Variants in GRID1 observed in about 807,000 individuals in gnomAD.
GRID1 encodes glutamate ionotropic receptor delta type subunit 1.
Under a neutral mutation model 98.0 loss-of-function variants are expected in GRID1, and 28 were observed. That is an observed-to-expected ratio of 0.29 (90% CI 0.21 to 0.39). The LOEUF (loss-of-function observed/expected upper bound fraction) is 0.39, where lower values mean the gene tolerates loss of function less well. Ranked by LOEUF, GRID1 falls within the 10% of genes least tolerant of loss-of-function variation. GRID1 has a pLI of 1.00. For synonymous variants in GRID1, 553 were observed against 538.5 expected (o/e 1.03, Z -0.37); for missense variants, 1,111 against 1,340.5 (o/e 0.83, Z 2.67).
chr10:85,901,207 T>C (rs1359307707), intron 5 of GRID1, among the ~76,000 whole-genome samples: 1 of 151,238 alleles, frequency 6.6e-6, no homozygotes, highest in Non-Finnish European at 1.5e-5. Context: ...TTTATTTATT[T>C]ATTCATTTAT....
chr10:85,702,696 G>T (rs1282363439), intron 12 of GRID1, among the ~76,000 whole-genome samples: 1 of 151,446 alleles, frequency 6.6e-6, no homozygotes, highest in African/African-American at 2.4e-5. Flanking sequence ...AAGTGGAAGA[G>T]GAAGACGGAC....
chr10:85,993,127 G>A (rs1045717666), intron 4 of GRID1, among the ~76,000 whole-genome samples: 3 of 152,186 alleles, frequency 2.0e-5, no homozygotes, highest in African/African-American at 7.2e-5. Flanking sequence ...ATCCCCAGAG[G>A]ACAACCGGTT....
In GRID1 at chr10:86,366,245, G is replaced by C; in HGVS notation, c.79+69C>G. 1 of 1,149,798 alleles carries C rather than the reference G, an allele frequency of 8.7e-7. No homozygotes were observed. The highest frequency in any genetic ancestry group is 1.2e-6 in the Non-Finnish European group (1 of 839,046). The allele number at this position is 1,149,798 out of a possible 1,614,324, so 71.2% of individuals were successfully genotyped here. ...CTCGGCCCAGGGAAACGCCAAGTTT[G>C]GACGCCGCGCACCCCCTGCCCCGTT... On this transcript the variant is annotated intron_variant, in intron 1 of 15. Transcript: ENST00000327946. This position sits in a 1 kb window ranked among gnomAD's most constrained non-coding sequence, Gnocchi z 4.1.
intron 4 of GRID1, among the ~76,000 whole-genome samples, chr10:86,024,214 C>T (rs1192997742): frequency 6.6e-6 from 1 of 152,148 alleles, no homozygotes; most frequent in Non-Finnish European, 1.5e-5. Context: ...GGTTAGCATC[C>T]GCAAAATAAC....
intron 8 of GRID1, among the ~76,000 whole-genome samples, chr10:85,750,746 G>A (rs867276471): frequency 2.0e-5 from 3 of 152,010 alleles, no homozygotes; most frequent in African/African-American, 7.2e-5. Flanking sequence ...ACTATCCTAG[G>A]GAAGGACTCC....
intron 2 of GRID1, among the ~76,000 whole-genome samples, chr10:86,210,008 G>A (rs773290876): frequency 6.6e-6 from 1 of 152,300 alleles, no homozygotes; most frequent in Non-Finnish European, 1.5e-5. Context: ...CCTAAGCACT[G>A]TCAGGGGGAA....
intron 8 of GRID1, among the ~76,000 whole-genome samples, chr10:85,837,918 T>C (rs1356285833): frequency 6.6e-6 from 1 of 152,152 alleles, no homozygotes; most frequent in Non-Finnish European, 1.5e-5. Flanking sequence ...AAAATCATGA[T>C]AATATATTGC....
At chr10:85,651,937 C>G (rs888010323) in intron 12 of GRID1, among the ~76,000 whole-genome samples, 1 of 152,206 alleles carries the variant, frequency 6.6e-6, no homozygotes, top group African/African-American at 2.4e-5. Flanking sequence ...CAAGTGTGTC[C>G]TACCAAAAGT....
At chr10:86,109,720 A>G (rs1189330610) in intron 4 of GRID1, among the ~76,000 whole-genome samples, 1 of 152,126 alleles carries the variant, frequency 6.6e-6, no homozygotes, top group Non-Finnish European at 1.5e-5. Context: ...GTTGGTCTAG[A>G]TGGGATCTGG....
intron 6 of GRID1, among the ~76,000 whole-genome samples, chr10:85,868,372 G>A (rs1353278284): frequency 6.6e-6 from 1 of 152,132 alleles, no homozygotes; most frequent in African/African-American, 2.4e-5. Context: ...TAGGCACATA[G>A]CTCTCCATCG....
chr10:85,682,149 A>G (rs1841216969), intron 12 of GRID1, among the ~76,000 whole-genome samples: 1 of 152,230 alleles, frequency 6.6e-6, no homozygotes, highest in Non-Finnish European at 1.5e-5. Flanking sequence ...AGGAAAAGGC[A>G]ACACGCTGAT....
chr10:85,941,428 CAT>C (rs1841996181), intron 4 of GRID1, among the ~76,000 whole-genome samples: 1 of 152,076 alleles, frequency 6.6e-6, no homozygotes, highest in African/African-American at 2.4e-5. Context: ...ATGCTGTGAA[CAT>C]ATATGCATAG....
chr10:86,062,697 C>T (rs545169255), intron 4 of GRID1, among the ~76,000 whole-genome samples: 17 of 152,324 alleles, frequency 1.1e-4, no homozygotes, highest in African/African-American at 4.1e-4. Flanking sequence ...TCACTCATAT[C>T]CCACCAGTCA....
At chr10:85,748,402 T>C (rs1230882847) in intron 8 of GRID1, among the ~76,000 whole-genome samples, 1 of 152,150 alleles carries the variant, frequency 6.6e-6, no homozygotes, top group Admixed American at 6.5e-5. Context: ...GGAGCAGAAG[T>C]TCTTAATATC....
At chr10:86,049,787 T>C (rs1243093648) in intron 4 of GRID1, among the ~76,000 whole-genome samples, 4 of 152,250 alleles carry the variant, frequency 2.6e-5, no homozygotes, top group Non-Finnish European at 5.9e-5. Flanking sequence ...TGGAGACATA[T>C]TTGGGCTCTG....
chr10:85,831,855 A>G (rs1842870152), intron 8 of GRID1, among the ~76,000 whole-genome samples: 1 of 152,124 alleles, frequency 6.6e-6, no homozygotes, highest in African/African-American at 2.4e-5. Flanking sequence ...AAAGAAAAAT[A>G]AACACAAAAA....
At chr10:86,078,227 C>T (rs541368488) in intron 4 of GRID1, among the ~76,000 whole-genome samples, 2 of 152,356 alleles carry the variant, frequency 1.3e-5, no homozygotes, top group East Asian at 1.9e-4. Flanking sequence ...CAGGAGACAG[C>T]GACAACTCCA....
chr10:85,803,893 A>G (rs1842598843), intron 8 of GRID1, among the ~76,000 whole-genome samples: 1 of 151,998 alleles, frequency 6.6e-6, no homozygotes, highest in African/African-American at 2.4e-5. Context: ...ACACAGTCAA[A>G]GCAGTATTTA....
chr10:86,270,793 A>G (rs10788487), intron 2 of GRID1, among the ~76,000 whole-genome samples: 114,127 of 152,030 alleles, frequency 0.75, 44,429 homozygotes, highest in Non-Finnish European at 0.86. Flanking sequence ...TGGAATAACC[A>G]AATAAAAAAA....
Sources: allele counts gnomAD v4.1 joint callset (sites outside exome capture counted in the v4.1 genomes callset), GRCh38; gene constraint gnomAD v4.1.1; non-coding constraint Gnocchi (gnomAD v3.1); transcripts MANE v1.5; gene names NCBI Gene and HGNC (gene_info 2026-07-23, HGNC 2026-07-21).